ORMDL3: variants seen among roughly 807,000 people sequenced by gnomAD.
The protein encoded by ORMDL3 is ORMDL sphingolipid biosynthesis regulator 3.
A neutral mutation model predicts 12.6 loss-of-function variants in ORMDL3; 6 were observed. The ratio of observed to expected loss-of-function variants is 0.48; its 90% confidence interval spans 0.26 to 0.94. ORMDL3 has a LOEUF of 0.94. ORMDL3 is among the 40% of genes least tolerant of loss of function. The pLI is 0.14. For synonymous variants in ORMDL3, 99 were observed against 87.2 expected (o/e 1.14, Z -0.75); for missense variants, 159 against 205.5 (o/e 0.77, Z 1.38).
At chr17:39,922,976 G>A (rs1305941499) in intron 3 of ORMDL3, 136 bp downstream of exon 3, 1 of 1,242,394 alleles carries the variant, frequency 8.0e-7, no homozygotes, top group African/African-American at 1.5e-5. Flanking sequence ...TCCAGTGTAA[G>A]ACCCAGGAAT....
intron 1 of ORMDL3, chr17:39,927,131 C>A: frequency 1.9e-6 from 1 of 515,824 alleles, no homozygotes; most frequent in Non-Finnish European, 2.5e-6. Context: ...CCGCTCTGTT[C>A]CCCAGCCTGG....
Position 39,922,763 on chromosome 17 carries a change from A to G in ORMDL3, c.327-78T>C. On this transcript the variant is annotated intron_variant, in intron 3 of 3. Transcript: ENST00000304046. Reference sequence around the variant, plus strand: ...CCTCCCTCACTTCCTGGGAGGGGAAAGGCAGAATCCCAACAGCTAAGGAGT... The same window carrying G: ...CCTCCCTCACTTCCTGGGAGGGGAAGGGCAGAATCCCAACAGCTAAGGAGT... The G allele has an allele frequency of 3.3e-6, 5 of 1,512,456 alleles. No individual in the cohort carries two copies. The East Asian group carries it at 9.1e-5, about 28-fold the overall frequency. 93.7% of individuals were successfully genotyped at this position (1,512,456 alleles called of 1,614,324 possible).
At chr17:39,922,799 G>A (rs1191540564) in intron 3 of ORMDL3, 114 bp from the exon 4 acceptor site, 26 of 1,344,614 alleles carry the variant, frequency 1.9e-5, no homozygotes, top group African/African-American at 4.4e-5. Context: ...TACAGAAGAG[G>A]TTCCCAGACC....
Position 39,924,175 on chromosome 17 carries a change from AC to A in ORMDL3, c.28del (p.Val10Ter). On this transcript the variant is annotated frameshift_variant, in exon 2 of 4. Transcript: ENST00000304046. LOFTEE classifies it high-confidence loss of function. MNVGTAHSE[V>X]NPNTRVMNSR... ...GTTCATCACCCGCGTGTTGGGGTTC[AC>A]CTCGCTGTGCGCTGTGCCCACATTC... is the stretch of plus-strand genomic sequence containing the variant. 1.2e-6 allele frequency: 2 copies of A among 1,612,244 alleles called. No homozygotes were observed. Among genetic ancestry groups the A allele is most frequent in the East Asian group, 2.2e-5 (1 of 44,876 alleles).
At chr17:39,926,762 G>A in intron 1 of ORMDL3, 4 of 983,930 alleles carry the variant, frequency 4.1e-6, no homozygotes, top group Non-Finnish European at 4.8e-6. Flanking sequence ...GCAGCCACCA[G>A]GTGAGCCCTT....
Position 39,924,021 on chromosome 17 carries a change from G to A in ORMDL3, c.174+9C>T. On this transcript the variant is annotated intron_variant, in intron 2 of 3. Transcript: ENST00000304046. ...CAGGGGCAGGGGCAGGCAGCAGACA[G>A]GCTCTCACCATGTTGTGAATGAGGT... The A allele has an allele frequency of 6.3e-7, 1 of 1,592,564 alleles. No homozygotes were observed. Among genetic ancestry groups the A allele is most frequent in the Non-Finnish European group, 8.6e-7 (1 of 1,167,980 alleles).
chr17:39,924,241 A>G lies in ORMDL3; in HGVS notation c.-22-16T>C. ...CTCTGCTGTTCTGCAAACAAGCAGC[A>G]CAGGTCAGACAGGTCACACTGCTTT... On this transcript the variant is annotated splice_polypyrimidine_tract_variant and intron_variant, in intron 1 of 3. Transcript: ENST00000304046. 6.4e-7 allele frequency: 1 copy of G among 1,551,012 alleles called. No homozygotes were observed. Among genetic ancestry groups the G allele is most frequent in the Non-Finnish European group, 8.7e-7 (1 of 1,145,568 alleles).
Position 39,924,160 on chromosome 17 carries a change from C to T in ORMDL3, c.44G>A (p.Arg15Gln), listed in dbSNP as rs150070527. 6.2e-6 allele frequency: 10 copies of T among 1,613,574 alleles called. No individual in the cohort carries two copies. Among genetic ancestry groups the T allele is most frequent in the Admixed American group, 1.7e-5 (1 of 59,958 alleles). Residue 15 changes from arginine (R) to glutamine (Q), a missense_variant, in exon 2 of 4, where the codon CGG (arginine) becomes CAG (glutamine). Arg to Gln is a conservative substitution (Grantham distance 43, BLOSUM62 1). Transcript: ENST00000304046. ...CCAGATGCCACGGCTGTTCATCACCCGCGTGTTGGGGTTCACCTCGCTGTG... is the reference window on the plus strand; with the variant it reads ...CCAGATGCCACGGCTGTTCATCACCTGCGTGTTGGGGTTCACCTCGCTGTG... ...TAHSEVNPNTRVMNSRGIWLS... is the reference protein window; with the variant it reads ...TAHSEVNPNTQVMNSRGIWLS...
chr17:39,926,892 G>A (rs1047891641), intron 1 of ORMDL3: 221 of 986,036 alleles, frequency 2.2e-4, no homozygotes, highest in African/African-American at 9.4e-4. Flanking sequence ...GGGGCAGCAC[G>A]TCACAATGCC....
chr17:39,923,394 C>T (rs1165235015), intron 2 of ORMDL3, 131 bp from the exon 3 acceptor site: 11 of 1,062,184 alleles, frequency 1.0e-5, no homozygotes, highest in Non-Finnish European at 1.1e-5. Flanking sequence ...GGGATATGGG[C>T]TGGAGGTCAG....
At chr17:39,926,636 T>A (rs368525916) in intron 1 of ORMDL3, 10 of 356,330 alleles carry the variant, frequency 2.8e-5, no homozygotes, top group East Asian at 1.7e-4. Flanking sequence ...TGTTAACCAC[T>A]TTTTTGCTGG....
Position 39,922,625 on chromosome 17 carries a change from C to G in ORMDL3, c.387G>C (p.Val129=). The change falls in exon 4 of 4, where the codon GTG becomes GTC. Residue 129 remains valine (V), a synonymous_variant. Transcript: ENST00000304046. ...TGGGGATAAGCACGCTCATCAGGGA[C>G]ACGGTGTTGAGCACAAAATGGATCT... ...YDQIHFVLNT[V]SLMSVLIPKL... The G allele has an allele frequency of 1.2e-6, 2 of 1,613,964 alleles. No homozygotes were observed. Among genetic ancestry groups the G allele is most frequent in the Non-Finnish European group, 1.7e-6 (2 of 1,179,982 alleles).
chr17:39,921,961 C>T lies in ORMDL3; in HGVS notation c.*589G>A, dbSNP rs183021183. On this transcript the variant is annotated 3_prime_UTR_variant, in exon 4 of 4. Coordinates refer to ENST00000304046, the MANE Select transcript of ORMDL3 (RefSeq NM_139280.4). ...CCCCATCTTTCCCCAACCTGACCCT[C>T]CCCACTCCCAACCAGGACCCACGGT... The T allele has an allele frequency of 1.3e-5, 2 of 152,828 alleles. No individual in the cohort carries two copies. The highest frequency in any genetic ancestry group is 4.8e-5 in the African/African-American group (2 of 41,574). 9.5% of individuals were successfully genotyped at this position (152,828 alleles called of 1,614,324 possible). A position where few individuals can be genotyped will look rare whatever the true frequency, so the allele number is the denominator to read the frequency against.
At chr17:39,925,313 A>G (rs1978352099) in intron 1 of ORMDL3, 1 of 152,438 alleles carries the variant, frequency 6.6e-6, no homozygotes, top group South Asian at 2.1e-4. Flanking sequence ...TAGAGAAGGA[A>G]GGGGTGGAAT....
At chr17:39,923,284 T>TA in intron 2 of ORMDL3, 21 bp from the exon 3 acceptor site, 3 of 1,613,554 alleles carry the variant, frequency 1.9e-6, no homozygotes, top group Non-Finnish European at 2.5e-6. Flanking sequence ...AAGTCTTTGT[T>TA]AGAGGATACA....
intron 1 of ORMDL3, chr17:39,926,354 A>G (rs1425807110): frequency 6.6e-6 from 1 of 152,282 alleles, no homozygotes; most frequent in African/African-American, 2.4e-5. Flanking sequence ...AAAAGAAGAG[A>G]TCAATAAACT....
chr17:39,923,963 A>C, intron 2 of ORMDL3, 67 bp downstream of exon 2: 2 of 1,460,850 alleles, frequency 1.4e-6, no homozygotes, highest in Non-Finnish European at 1.8e-6. Context: ...CCTATCCCTC[A>C]GCCCTGCCAA....
chr17:39,923,000 CT>C, intron 3 of ORMDL3, 111 bp downstream of exon 3: 1 of 1,393,738 alleles, frequency 7.2e-7, no homozygotes, highest in Non-Finnish European at 9.9e-7. Context: ...CCAACTTCCT[CT>C]GTTCATCCCT....
In ORMDL3 at chr17:39,921,914, G is replaced by C. The variant is rs1978298704; in HGVS notation, c.*636C>G. The C allele has an allele frequency of 6.6e-6, 1 of 152,124 alleles. No homozygotes were observed. Among genetic ancestry groups the C allele is most frequent in the Admixed American group, 6.6e-5 (1 of 15,240 alleles). 9.4% of individuals were successfully genotyped at this position (152,124 alleles called of 1,614,324 possible). A position where few individuals can be genotyped will look rare whatever the true frequency, so the allele number is the denominator to read the frequency against. ...AGCAGCCCTGGCCCCCTCACCTCTGGAACCAAGCCATCTACACTCTACCCC... is the reference window on the plus strand; with the variant it reads ...AGCAGCCCTGGCCCCCTCACCTCTGCAACCAAGCCATCTACACTCTACCCC... On this transcript the variant is annotated 3_prime_UTR_variant, in exon 4 of 4. Transcript: ENST00000304046.
Sources: allele counts gnomAD v4.1 joint callset, GRCh38; gene constraint gnomAD v4.1.1; transcripts MANE v1.5; gene names NCBI Gene and HGNC (gene_info 2026-07-23, HGNC 2026-07-21).